GNG7: variants seen among roughly 807,000 people sequenced by gnomAD.
The protein encoded by GNG7 is guanine nucleotide-binding protein G(I)/G(S)/G(O) subunit gamma-7.
GNG7 carries 1 observed loss-of-function variant against 4.0 expected under a neutral mutation model. The observed-to-expected ratio is 0.25, with a 90% CI of 0.09 to 1.18. The LOEUF is 1.18. Ranked by LOEUF, GNG7 falls within the 50% of genes most tolerant of loss-of-function variation. The pLI is 0.50. For missense variants in GNG7, 86 were observed against 91.9 expected (o/e 0.94, Z 0.26); for synonymous variants, 34 against 36.9 (o/e 0.92, Z 0.29).
At chr19:2,624,022 G>A (rs949962243) in intron 2 of GNG7, among the ~76,000 whole-genome samples, 2 of 152,110 alleles carry the variant, frequency 1.3e-5, no homozygotes, top group African/African-American at 4.8e-5. Context: ...ACAGTACAAG[G>A]GAAGCAGGAT....
chr19:2,647,413 C>A (rs767757512), intron 1 of GNG7, among the ~76,000 whole-genome samples: 1 of 152,176 alleles, frequency 6.6e-6, no homozygotes. Flanking sequence ...ACCCACCCCA[C>A]GAGCCTTTCC....
At chr19:2,604,963 C>T (rs1009687592) in intron 2 of GNG7, among the ~76,000 whole-genome samples, 3 of 152,194 alleles carry the variant, frequency 2.0e-5, no homozygotes, top group African/African-American at 7.2e-5. Flanking sequence ...GCCGCTATAA[C>T]AAGTCACACG....
chr19:2,694,622 G>A (rs1303746435), intron 1 of GNG7, among the ~76,000 whole-genome samples: 1 of 151,916 alleles, frequency 6.6e-6, no homozygotes, highest in Non-Finnish European at 1.5e-5. Context: ...AAATCAGGGG[G>A]ACCCCCAGCT....
intron 3 of GNG7, among the ~76,000 whole-genome samples, chr19:2,525,970 A>AGTTTTTTTTTTT (rs1568231777): frequency 3.7e-5 from 1 of 26,780 alleles, no homozygotes; most frequent in Non-Finnish European, 6.0e-5. Flanking sequence ...CCTCCACGCC[A>AGTTTTTTTTTTT]ATTTTTTTTT....
intron 2 of GNG7, among the ~76,000 whole-genome samples, chr19:2,638,548 G>A (rs1380844222): frequency 6.7e-5 from 5 of 74,094 alleles, no homozygotes; most frequent in Admixed American, 5.5e-4. Flanking sequence ...GAGGAGAAGG[G>A]AAGGGGGAGG....
At chr19:2,615,714 C>T (rs1156594181) in intron 2 of GNG7, among the ~76,000 whole-genome samples, 3 of 152,108 alleles carry the variant, frequency 2.0e-5, no homozygotes, top group Non-Finnish European at 2.9e-5. Flanking sequence ...CTGCCCGCCT[C>T]GGCCTCCCAA....
At chr19:2,594,145 C>A (rs963964698) in intron 2 of GNG7, among the ~76,000 whole-genome samples, 1 of 151,920 alleles carries the variant, frequency 6.6e-6, no homozygotes, top group Non-Finnish European at 1.5e-5. Flanking sequence ...CCAAGACGGG[C>A]GGATCACCTG....
intron 1 of GNG7, among the ~76,000 whole-genome samples, chr19:2,688,479 G>C (rs888612437): frequency 3.9e-5 from 6 of 152,172 alleles, no homozygotes; most frequent in African/African-American, 1.4e-4. Flanking sequence ...GAGAGCAACA[G>C]GGCACCTCAC....
At chr19:2,585,364 C>T (rs1472871298) in intron 2 of GNG7, among the ~76,000 whole-genome samples, 1 of 152,032 alleles carries the variant, frequency 6.6e-6, no homozygotes, top group Non-Finnish European at 1.5e-5. Flanking sequence ...TATCCACCTG[C>T]AATTTATACA....
chr19:2,542,043 A>G (rs1299300923), intron 3 of GNG7, among the ~76,000 whole-genome samples: 2 of 147,978 alleles, frequency 1.4e-5, no homozygotes, highest in Admixed American at 1.4e-4. Flanking sequence ...CCTTCCAAAG[A>G]GCTCCCTGTG....
chr19:2,589,339 C>T (rs1980768935), intron 2 of GNG7, among the ~76,000 whole-genome samples: 1 of 149,512 alleles, frequency 6.7e-6, no homozygotes. Flanking sequence ...TCTCCTGCCT[C>T]AGCCTCCCAG....
At chr19:2,652,417 C>T (rs1170234763) in intron 1 of GNG7, among the ~76,000 whole-genome samples, 1 of 151,570 alleles carries the variant, frequency 6.6e-6, no homozygotes, top group Admixed American at 6.6e-5. Flanking sequence ...GTTGGGAGTT[C>T]AAGACCAGCC....
chr19:2,625,273 CTT>C (rs1981992581), intron 2 of GNG7, among the ~76,000 whole-genome samples: 1 of 152,134 alleles, frequency 6.6e-6, no homozygotes, highest in Non-Finnish European at 1.5e-5. Context: ...GGGTCTCACT[CTT>C]TTACTGAGCC....
At chr19:2,651,654 C>T (rs1020559040) in intron 1 of GNG7, among the ~76,000 whole-genome samples, 1 of 149,612 alleles carries the variant, frequency 6.7e-6, no homozygotes, top group African/African-American at 2.5e-5. Flanking sequence ...CAACCTCCAC[C>T]TCTCAGGTTT....
chr19:2,560,474 A>G (rs895590513), intron 2 of GNG7, among the ~76,000 whole-genome samples: 1 of 152,044 alleles, frequency 6.6e-6, no homozygotes, highest in African/African-American at 2.4e-5. Context: ...CCCTTGAGGC[A>G]GTGATTCTCA....
intron 1 of GNG7, chr19:2,701,302 CA>C (rs1286335898): frequency 6.6e-6 from 1 of 152,012 alleles, no homozygotes; most frequent in East Asian, 1.9e-4. Flanking sequence ...GACACCTCCC[CA>C]CACCCCGTTT....
In GNG7 at chr19:2,612,686, ATT is replaced by A. The variant is rs61243256; in HGVS notation, c.-78+33536_-78+33537del. On this transcript the variant is annotated intron_variant, in intron 2 of 4. Coordinates refer to ENST00000382159, the MANE Select transcript of GNG7 (RefSeq NM_052847.3). The stretch of plus-strand genomic sequence containing the variant: ...AGACAATTGTAAAATACAGCTTAGA[ATT>A]TTTTTTTTTTTTTGAGAAATTTTTT... Among the ~76,000 whole-genome samples the A allele has an allele frequency of 6.4e-4, 87 of 135,884 alleles. 1 individual carries two copies. Among genetic ancestry groups the A allele is most frequent in the African/African-American group, 2.4e-3 (83 of 34,850 alleles). The allele number at this position is 135,884 out of a possible 152,430, so 89.1% of individuals were successfully genotyped here. A position where few individuals can be genotyped will look rare whatever the true frequency, so the allele number is the denominator to read the frequency against.
In GNG7 at chr19:2,618,758, G is replaced by T. The variant is rs1981790115; in HGVS notation, c.-78+27466C>A. On this transcript the variant is annotated intron_variant, in intron 2 of 4. Transcript: ENST00000382159. This position sits in a 1 kb window ranked among gnomAD's most constrained non-coding sequence, Gnocchi z 5.1. ...CGCCTCACCAGCTTCCTCTTCAGGG[G>T]CCACCCTGTGTAACCACAGGGCATT... Among the ~76,000 whole-genome samples the T allele has an allele frequency of 6.6e-6, 1 of 152,060 alleles. No homozygotes were observed. Among genetic ancestry groups the T allele is most frequent in the Non-Finnish European group, 1.5e-5 (1 of 68,012 alleles).
intron 2 of GNG7, among the ~76,000 whole-genome samples, chr19:2,601,072 C>T (rs763310767): frequency 1.3e-5 from 2 of 152,002 alleles, no homozygotes; most frequent in Non-Finnish European, 2.9e-5. Flanking sequence ...GAGTTTGAGG[C>T]TGCAGTGAGC....
Sources: gnomAD v4.1 joint callset for allele counts (sites outside exome capture counted in the v4.1 genomes callset) on GRCh38, gnomAD v4.1.1 for gene constraint, Gnocchi (gnomAD v3.1) non-coding constraint, MANE v1.5 for transcripts, NCBI Gene and HGNC (gene_info 2026-07-23, HGNC 2026-07-21) for gene names.